Variants in ESRRG observed in about 807,000 individuals in gnomAD.
ESRRG encodes estrogen-related receptor gamma.
ESRRG carries 13 observed loss-of-function variants against 44.0 expected under a neutral mutation model. The observed-to-expected ratio is 0.30, with a 90% CI of 0.19 to 0.47. The LOEUF is 0.47. ESRRG is among the 20% of genes least tolerant of loss of function. The pLI is 1.00. For synonymous variants in ESRRG, 215 were observed against 214.6 expected, an observed-to-expected ratio of 1.00 and a Z score of -0.02; for missense variants, 395 against 580.6, an observed-to-expected ratio of 0.68 and a Z score of 3.29.
At chr1:216,944,070 T>C (rs1034779300) in intron 1 of ESRRG, among the ~76,000 whole-genome samples, 7 of 152,178 alleles carry the variant, frequency 4.6e-5, no homozygotes, top group Non-Finnish European at 1.0e-4. Context: ...TGGAAAATAA[T>C]CCATCAATTT....
intron 2 of ESRRG, among the ~76,000 whole-genome samples, chr1:216,757,391 T>A (rs1301508597): frequency 6.6e-6 from 1 of 152,048 alleles, no homozygotes; most frequent in African/African-American, 2.4e-5. Flanking sequence ...AAACAAACCA[T>A]CTCTATAATA....
At chr1:216,852,123 C>A (rs528994149) in intron 2 of ESRRG, among the ~76,000 whole-genome samples, 1 of 152,106 alleles carries the variant, frequency 6.6e-6, no homozygotes, top group Non-Finnish European at 1.5e-5. Context: ...GTTGTTTAGG[C>A]TTGGTTTATT....
intron 1 of ESRRG, among the ~76,000 whole-genome samples, chr1:217,106,912 A>G (rs1275065489): frequency 1.3e-5 from 2 of 152,166 alleles, no homozygotes; most frequent in Admixed American, 1.3e-4. Context: ...CGTGTCCATG[A>G]TGATTTAAAA....
chr1:216,778,003 T>C (rs2093676597), intron 2 of ESRRG, among the ~76,000 whole-genome samples: 1 of 152,116 alleles, frequency 6.6e-6, no homozygotes, highest in East Asian at 1.9e-4. Flanking sequence ...AAAAGCATCA[T>C]GCTCAGATTA....
At chr1:216,607,687 C>T (rs1178220223) in intron 3 of ESRRG, among the ~76,000 whole-genome samples, 1 of 152,122 alleles carries the variant, frequency 6.6e-6, no homozygotes, top group Non-Finnish European at 1.5e-5. Context: ...TTTACTGAGA[C>T]CACAACTATT....
chr1:216,987,748 C>T (rs980693575), intron 1 of ESRRG, among the ~76,000 whole-genome samples: 3 of 152,160 alleles, frequency 2.0e-5, no homozygotes, highest in African/African-American at 7.2e-5. Context: ...TATCTGCCAT[C>T]ACCTAAAACT....
chr1:216,766,186 GTCTC>G (rs1291753239), intron 2 of ESRRG, among the ~76,000 whole-genome samples: 1 of 152,036 alleles, frequency 6.6e-6, no homozygotes, highest in East Asian at 1.9e-4. Context: ...TTAGTATTAT[GTCTC>G]TCTCTTTTTC....
chr1:216,571,451 A>T (rs2060792505), intron 3 of ESRRG, among the ~76,000 whole-genome samples: 1 of 152,072 alleles, frequency 6.6e-6, no homozygotes, highest in Admixed American at 6.5e-5. Context: ...CTCAAAAAAC[A>T]AACAAACAAA....
chr1:217,032,981 G>A (rs1364125609), intron 1 of ESRRG, among the ~76,000 whole-genome samples: 9 of 152,116 alleles, frequency 5.9e-5, no homozygotes, highest in Non-Finnish European at 1.2e-4. Context: ...CTGTGGCCAC[G>A]TGCCTGCAGC....
chr1:216,717,780 T>C (rs2085226546), intron 1 of ESRRG, among the ~76,000 whole-genome samples: 2 of 151,890 alleles, frequency 1.3e-5, no homozygotes, highest in African/African-American at 4.8e-5. Flanking sequence ...TAGTTTTATA[T>C]ATTTGCTTTT....
At chr1:217,052,433 T>C (rs933649981) in intron 1 of ESRRG, among the ~76,000 whole-genome samples, 5 of 152,158 alleles carry the variant, frequency 3.3e-5, no homozygotes, top group Non-Finnish European at 5.9e-5. Flanking sequence ...AGAATCTCCA[T>C]CTGTAAATCA....
chr1:216,841,695 G>T (rs1356494998), intron 2 of ESRRG, among the ~76,000 whole-genome samples: 1 of 152,122 alleles, frequency 6.6e-6, no homozygotes, highest in Non-Finnish European at 1.5e-5. Flanking sequence ...CCTTCAGCCT[G>T]CAGGGCCAGA....
intron 2 of ESRRG, among the ~76,000 whole-genome samples, chr1:216,870,878 T>A (rs553934832): frequency 1.3e-5 from 2 of 152,028 alleles, no homozygotes; most frequent in Non-Finnish European, 2.9e-5. Context: ...GTATTTCATT[T>A]TTTTCTTTGT....
At chr1:217,009,907 T>C (rs1244165659) in intron 1 of ESRRG, among the ~76,000 whole-genome samples, 1 of 152,006 alleles carries the variant, frequency 6.6e-6, no homozygotes, top group African/African-American at 2.4e-5. Flanking sequence ...GGTTTCACCA[T>C]CTTGGCCAGG....
intron 2 of ESRRG, among the ~76,000 whole-genome samples, chr1:216,850,314 A>G (rs2095821424): frequency 6.6e-6 from 1 of 152,128 alleles, no homozygotes; most frequent in African/African-American, 2.4e-5. Flanking sequence ...ACTTTCTAAT[A>G]AATGCCACCT....
chr1:216,710,043 C>A (rs2083286570), intron 1 of ESRRG, among the ~76,000 whole-genome samples: 1 of 152,194 alleles, frequency 6.6e-6, no homozygotes, highest in Non-Finnish European at 1.5e-5. Context: ...TGCTCCCTCG[C>A]ATGCCTTCTC....
At chr1:216,766,822 G>A (rs1367332995) in intron 2 of ESRRG, among the ~76,000 whole-genome samples, 1 of 151,996 alleles carries the variant, frequency 6.6e-6, no homozygotes, top group Non-Finnish European at 1.5e-5. Flanking sequence ...CTGCTCTCTG[G>A]GGTCAGACAT....
At chr1:216,922,577 A>T (rs886939331) in intron 2 of ESRRG, among the ~76,000 whole-genome samples, 5 of 152,198 alleles carry the variant, frequency 3.3e-5, no homozygotes, top group Admixed American at 6.5e-5. Flanking sequence ...TTACACAAGT[A>T]ATTAACACTT....
At chr1:216,905,251 C>A (rs757152342) in intron 2 of ESRRG, among the ~76,000 whole-genome samples, 5 of 152,122 alleles carry the variant, frequency 3.3e-5, no homozygotes, top group Non-Finnish European at 5.9e-5. Context: ...AGCTTACCTG[C>A]CAGCCTCAAG....
Sources: allele counts gnomAD v4.1 joint callset (sites outside exome capture counted in the v4.1 genomes callset), GRCh38; gene constraint gnomAD v4.1.1; transcripts MANE v1.5; gene names NCBI Gene and HGNC (gene_info 2026-07-23, HGNC 2026-07-21).